Variants in FARS2 observed in about 807,000 individuals in gnomAD.
FARS2 encodes phenylalanyl-tRNA synthetase 2, mitochondrial.
In FARS2, 40 loss-of-function variants were observed where a neutral mutation model predicts 46.4. The ratio of observed to expected loss-of-function variants is 0.86; its 90% CI spans 0.67 to 1.12. The LOEUF is 1.12. Among genes scored for constraint, FARS2 ranks in the 50% most tolerant of loss-of-function variants. FARS2 has a pLI of 0.00. For missense variants in FARS2, 513 were observed against 567.9 expected, an observed-to-expected ratio of 0.90 and a Z score of 0.98; for synonymous variants, 234 against 214.9, an observed-to-expected ratio of 1.09 and a Z score of -0.78.
intron 4 of FARS2, among the ~76,000 whole-genome samples, chr6:5,481,834 C>T (rs1286684333): frequency 6.6e-6 from 1 of 152,074 alleles, no homozygotes; most frequent in African/African-American, 2.4e-5. Context: ...CAGATCCACT[C>T]TCGTGGTCTG....
At chr6:5,433,456 A>G (rs1393896694) in intron 4 of FARS2, among the ~76,000 whole-genome samples, 1 of 152,216 alleles carries the variant, frequency 6.6e-6, no homozygotes, top group African/African-American at 2.4e-5. Flanking sequence ...GATAGAAACA[A>G]TTTCTAACCA....
rs1196377502 is a variant in FARS2 at position 5,539,618 on chromosome 6, A to G, written c.905-5562A>G. Among the ~76,000 whole-genome samples the G allele has an allele frequency of 5.3e-5, 8 of 151,890 alleles. No individual in the cohort carries two copies. In the East Asian group the frequency reaches 5.8e-4, roughly 11 times the overall value. On this transcript the variant is annotated intron_variant, in intron 4 of 6. Transcript: ENST00000274680. ...TGCAGTGAGCCTTCTGAGAAAAGCA[A>G]TTGGAAGTTGTATTTGTGAAGGTAA...
chr6:5,593,001 T>C (rs561415402), intron 5 of FARS2, among the ~76,000 whole-genome samples: 2 of 152,300 alleles, frequency 1.3e-5, no homozygotes, highest in South Asian at 4.1e-4. Context: ...TCTCTCTGCC[T>C]CATCTCACAA....
At chr6:5,453,219 G>A (rs1331708394) in intron 4 of FARS2, among the ~76,000 whole-genome samples, 2 of 152,114 alleles carry the variant, frequency 1.3e-5, no homozygotes, top group Non-Finnish European at 2.9e-5. Context: ...GATATATCTG[G>A]AGAAAACAAA....
At chr6:5,495,119 C>T (rs1413539250) in intron 4 of FARS2, among the ~76,000 whole-genome samples, 2 of 152,168 alleles carry the variant, frequency 1.3e-5, no homozygotes, top group African/African-American at 4.8e-5. Context: ...ATTTTCTTCC[C>T]TTTTAGATAA....
At chr6:5,347,769 A>G (rs947682665) in intron 1 of FARS2, among the ~76,000 whole-genome samples, 3 of 152,250 alleles carry the variant, frequency 2.0e-5, no homozygotes, top group African/African-American at 7.2e-5. Flanking sequence ...CGTCACCAAC[A>G]AATCAGAGTT....
chr6:5,334,162 CA>C (rs1770993373), intron 1 of FARS2, among the ~76,000 whole-genome samples: 1 of 152,162 alleles, frequency 6.6e-6, no homozygotes. Flanking sequence ...CTCGCATTAT[CA>C]CTTAGTGTAC....
intron 1 of FARS2, among the ~76,000 whole-genome samples, chr6:5,271,671 T>C (rs1765963425): frequency 6.6e-6 from 1 of 151,172 alleles, no homozygotes; most frequent in South Asian, 2.1e-4. Flanking sequence ...CAAGCGATTC[T>C]TCTACCTCAG....
chr6:5,565,379 T>C (rs1467958125), intron 5 of FARS2, among the ~76,000 whole-genome samples: 1 of 152,228 alleles, frequency 6.6e-6, no homozygotes, highest in African/African-American at 2.4e-5. Context: ...TTTATTTCAA[T>C]ATTACAATCT....
At chr6:5,715,777 T>C (rs942143775) in intron 6 of FARS2, among the ~76,000 whole-genome samples, 4 of 152,202 alleles carry the variant, frequency 2.6e-5, no homozygotes, top group African/African-American at 9.6e-5. Flanking sequence ...GCTATGAACA[T>C]TTATATGTGT....
At chr6:5,453,160 T>C (rs1259867191) in intron 4 of FARS2, among the ~76,000 whole-genome samples, 2 of 152,182 alleles carry the variant, frequency 1.3e-5, no homozygotes, top group African/African-American at 2.4e-5. Flanking sequence ...CAAATTTAAC[T>C]GCAACATCGT....
intron 6 of FARS2, among the ~76,000 whole-genome samples, chr6:5,716,580 G>A (rs1301828579): frequency 6.6e-6 from 1 of 152,204 alleles, no homozygotes; most frequent in Non-Finnish European, 1.5e-5. Context: ...TTCTGACACT[G>A]TCTACCTGGA....
At chr6:5,440,919 C>CTTT (rs56965644) in intron 4 of FARS2, among the ~76,000 whole-genome samples, 11 of 144,504 alleles carry the variant, frequency 7.6e-5, no homozygotes, top group South Asian at 2.2e-4. Context: ...CATTTTCTTT[C>CTTT]TTTTTTTTTT....
At chr6:5,487,974 G>A (rs1233849509) in intron 4 of FARS2, among the ~76,000 whole-genome samples, 1 of 152,010 alleles carries the variant, frequency 6.6e-6, no homozygotes, top group African/African-American at 2.4e-5. Flanking sequence ...GCTGGACTCT[G>A]GGGCTTATTC....
chr6:5,627,196 C>T (rs876783), intron 6 of FARS2, among the ~76,000 whole-genome samples: 14,302 of 152,068 alleles, frequency 0.094, 1,908 homozygotes, highest in African/African-American at 0.3. Flanking sequence ...ACTGAAATGC[C>T]GTTGTGCAGT....
chr6:5,712,971 C>G (rs1057210165), intron 6 of FARS2, among the ~76,000 whole-genome samples: 2 of 152,214 alleles, frequency 1.3e-5, no homozygotes, highest in African/African-American at 4.8e-5. Context: ...CCGTTGTGAT[C>G]CTTCCATCTG....
chr6:5,737,406 C>T (rs1024799823), intron 6 of FARS2, among the ~76,000 whole-genome samples: 1 of 152,224 alleles, frequency 6.6e-6, no homozygotes, highest in African/African-American at 2.4e-5. Flanking sequence ...TGGCATGTGC[C>T]TGTAGTCCCA....
At chr6:5,676,119 G>A (rs1011615613) in intron 6 of FARS2, among the ~76,000 whole-genome samples, 1 of 152,200 alleles carries the variant, frequency 6.6e-6, no homozygotes, top group Non-Finnish European at 1.5e-5. Flanking sequence ...ACTCAAGTTT[G>A]TGACAGAAAG....
At chr6:5,307,888 C>G (rs934902304) in intron 1 of FARS2, among the ~76,000 whole-genome samples, 1 of 152,114 alleles carries the variant, frequency 6.6e-6, no homozygotes, top group South Asian at 2.1e-4. Flanking sequence ...CGGAAAAGCA[C>G]TTACTTACAC....
Sources: gnomAD v4.1 joint callset for allele counts (sites outside exome capture counted in the v4.1 genomes callset) on GRCh38, gnomAD v4.1.1 for gene constraint, MANE v1.5 for transcripts, NCBI Gene and HGNC (gene_info 2026-07-23, HGNC 2026-07-21) for gene names.